Variants in MEP1A observed in about 807,000 individuals in gnomAD.
The protein encoded by MEP1A is meprin A subunit alpha.
A neutral mutation model predicts 84.5 loss-of-function variants in MEP1A; 68 were observed. The observed-to-expected ratio is 0.80, with a 90% CI of 0.66 to 0.98. MEP1A has a LOEUF of 0.98. MEP1A is among the 50% of genes least tolerant of loss of function. The pLI is 0.00. For missense variants in MEP1A, 887 were observed against 919.9 expected, an observed-to-expected ratio of 0.96 and a Z score of 0.46; for synonymous variants, 337 against 336.8, an observed-to-expected ratio of 1.00 and a Z score of -0.01.
At chr6:46,821,292 T>G (rs955047110) in intron 7 of MEP1A, among the ~76,000 whole-genome samples, 4 of 152,192 alleles carry the variant, frequency 2.6e-5, no homozygotes, top group Admixed American at 2.6e-4. Flanking sequence ...GGTCACCAGC[T>G]TTGAGCCTAA....
At chr6:46,794,694 G>A (rs943237209) in intron 3 of MEP1A, among the ~76,000 whole-genome samples, 1 of 152,226 alleles carries the variant, frequency 6.6e-6, no homozygotes, top group African/African-American at 2.4e-5. Context: ...AATAGTTTAG[G>A]AAGGTAAATG....
At chr6:46,835,094 A>G (rs1169381373) in intron 12 of MEP1A, among the ~76,000 whole-genome samples, 155 bp from the exon 13 acceptor site, 4 of 152,194 alleles carry the variant, frequency 2.6e-5, no homozygotes, top group African/African-American at 9.7e-5. Context: ...AAAGTAGCTA[A>G]TACTGTGGGA....
chr6:46,824,932 A>G (rs1397893055), intron 7 of MEP1A, among the ~76,000 whole-genome samples: 1 of 124,948 alleles, frequency 8.0e-6, no homozygotes, highest in African/African-American at 3.3e-5. Context: ...ATCTATTTAA[A>G]TATATATAAA....
At position 46,819,699 on chromosome 6, in the gene MEP1A, T is replaced by C. The variant is rs1280587313; in HGVS notation, c.551T>C (p.Leu184Pro). The C allele has an allele frequency of 6.2e-7, 1 of 1,613,424 alleles. No individual in the cohort carries two copies. Among genetic ancestry groups the C allele is most frequent in the East Asian group, 2.2e-5 (1 of 44,886 alleles). ...DYVNIWWDQI[L>P]SGYQHNFDTY... ...GTGAACATCTGGTGGGACCAAATTC[T>C]TTCAGGTGTGATTGGGCGGAGATTG... Residue 184 changes from leucine to proline, a missense_variant, in exon 7 of 14, where the codon CTT becomes CCT. Coordinates refer to ENST00000230588, the MANE Select transcript of MEP1A (RefSeq NM_005588.3).
chr6:46,795,156 A>G (rs965656061), intron 3 of MEP1A, among the ~76,000 whole-genome samples: 2 of 152,046 alleles, frequency 1.3e-5, no homozygotes, highest in Non-Finnish European at 2.9e-5. Context: ...AGTCCTTTTC[A>G]TTTCAGTAAA....
Position 46,835,435 on chromosome 6 carries a change from A to G in MEP1A, c.1970A>G (p.Asn657Ser), listed in dbSNP as rs771224394. 2 of 1,612,216 alleles carry G rather than the reference A, an allele frequency of 1.2e-6. No individual in the cohort carries two copies. Among genetic ancestry groups the G allele is most frequent in the Non-Finnish European group, 8.5e-7 (1 of 1,179,278 alleles). Residue 657 changes from asparagine to serine, a missense_variant, in exon 13 of 14, where the codon AAC (asparagine) becomes AGC (serine). By Grantham distance (46) the Asn-to-Ser change is conservative (BLOSUM62 1). Coordinates refer to ENST00000230588, the MANE Select transcript of MEP1A (RefSeq NM_005588.3). ...AGCCGACAGAAGCGGTCGGTGGAGAACACAGGCCCCCTGGAGGACCATAAC... is the reference window on the plus strand; with the variant it reads ...AGCCGACAGAAGCGGTCGGTGGAGAGCACAGGCCCCCTGGAGGACCATAAC... Reference protein sequence around the residue: ...QPSRQKRSVENTGPLEDHNWP... With the variant: ...QPSRQKRSVESTGPLEDHNWP...
intron 6 of MEP1A, among the ~76,000 whole-genome samples, chr6:46,814,270 G>T (rs142824894): frequency 6.6e-6 from 1 of 151,982 alleles, no homozygotes; most frequent in Non-Finnish European, 1.5e-5. Flanking sequence ...GTTTTTGATG[G>T]ATGGGGTTAA....
At chr6:46,818,736 C>A (rs188905414) in intron 6 of MEP1A, among the ~76,000 whole-genome samples, 1 of 152,018 alleles carries the variant, frequency 6.6e-6, no homozygotes, top group African/African-American at 2.4e-5. Flanking sequence ...CTGCTATTTC[C>A]GAAGACATGG....
intron 8 of MEP1A, 143 bp from the exon 9 acceptor site, chr6:46,826,211 A>G: frequency 1.5e-6 from 1 of 657,116 alleles, no homozygotes; most frequent in Non-Finnish European, 2.4e-6. Flanking sequence ...GATGACAGTA[A>G]GATTTGCATT....
At chr6:46,798,485 T>A (rs923839910) in intron 3 of MEP1A, 121 bp from the exon 4 acceptor site, 35 of 819,064 alleles carry the variant, frequency 4.3e-5, no homozygotes, top group Non-Finnish European at 8.0e-6. Flanking sequence ...TTCAAAAAGT[T>A]TTGCCACATA....
At chr6:46,816,873 G>A (rs73736656) in intron 6 of MEP1A, among the ~76,000 whole-genome samples, 6,746 of 152,186 alleles carry the variant, frequency 0.044, 152 homozygotes, top group African/African-American at 0.068. Context: ...CCCATAATGA[G>A]CAAGAGCCAG....
At chr6:46,811,022 A>G (rs189976386) in intron 6 of MEP1A, among the ~76,000 whole-genome samples, 27 of 152,052 alleles carry the variant, frequency 1.8e-4, no homozygotes, top group African/African-American at 6.0e-4. Flanking sequence ...TGGTATTTTG[A>G]TGGGAATTGT....
In MEP1A at chr6:46,835,508, T is replaced by A; in HGVS notation, c.2043T>A (p.Asn681Lys). The change falls in exon 13 of 14, where the codon AAT (asparagine) becomes AAA (lysine). Residue 681 changes from asparagine to lysine, a missense_variant. Transcript: ENST00000230588. The part of the protein sequence containing the change: ...RDPCDPNPCQ[N>K]DGICVNVKGM... ...CATGTGACCCAAACCCTTGCCAAAATGACGGCATCTGTGTGAACGTGAAGG... is the reference window on the plus strand; with the variant it reads ...CATGTGACCCAAACCCTTGCCAAAAAGACGGCATCTGTGTGAACGTGAAGG... 1 of 1,613,578 alleles carries A rather than the reference T, an allele frequency of 6.2e-7. No individual in the cohort carries two copies. The highest frequency in any genetic ancestry group is 8.5e-7 in the Non-Finnish European group (1 of 1,179,798).
intron 6 of MEP1A, among the ~76,000 whole-genome samples, chr6:46,812,345 A>G (rs1767523876): frequency 6.6e-6 from 1 of 151,950 alleles, no homozygotes; most frequent in Non-Finnish European, 1.5e-5. Context: ...AATTGAGCTT[A>G]TTGGGATCTT....
At chr6:46,835,204 A>T (rs770709982) in intron 12 of MEP1A, 45 bp from the exon 13 acceptor site, 9 of 1,486,222 alleles carry the variant, frequency 6.1e-6, no homozygotes, top group Non-Finnish European at 8.2e-6. Context: ...AATTGTAGTC[A>T]GTTACTAATC....
At chr6:46,840,232 G>T (rs1397995697), downstream of MEP1A, among the ~76,000 whole-genome samples, 2 of 152,166 alleles carry the variant, frequency 1.3e-5, no homozygotes, top group African/African-American at 2.4e-5. Flanking sequence ...TTTCTTTAAT[G>T]CAAAGTTATG....
intron 10 of MEP1A, among the ~76,000 whole-genome samples, chr6:46,831,901 A>G (rs1465750473): frequency 6.6e-6 from 1 of 151,734 alleles, no homozygotes; most frequent in Non-Finnish European, 1.5e-5. Context: ...TGCCTTCTCT[A>G]CCTCTCTCCT....
intron 9 of MEP1A, among the ~76,000 whole-genome samples, chr6:46,828,050 G>T (rs1473227990): frequency 6.6e-6 from 1 of 152,186 alleles, no homozygotes; most frequent in African/African-American, 2.4e-5. Flanking sequence ...GAGCTTGAAG[G>T]ATCCATTGGG....
chr6:46,837,993 G>C (rs1363248974), intron 13 of MEP1A, among the ~76,000 whole-genome samples: 1 of 151,428 alleles, frequency 6.6e-6, no homozygotes, highest in African/African-American at 2.4e-5. Flanking sequence ...CCGGGTTCAA[G>C]CAATTCTACT....
Sources: gnomAD v4.1 joint callset for allele counts (sites outside exome capture counted in the v4.1 genomes callset) on GRCh38, gnomAD v4.1.1 for gene constraint, MANE v1.5 for transcripts, NCBI Gene and HGNC (gene_info 2026-07-23, HGNC 2026-07-21) for gene names.